The following ZBTB11 variants were observed in gnomAD, a reference collection of about 807,000 sequenced individuals.
The protein encoded by ZBTB11 is zinc finger and BTB domain-containing protein 11.
Under a neutral mutation model 113.1 loss-of-function variants are expected in ZBTB11, and 68 were observed. That is an observed-to-expected ratio of 0.60 (90% CI 0.49 to 0.74). The LOEUF (loss-of-function observed/expected upper bound fraction) is 0.74, where lower values mean the gene tolerates loss of function less well. ZBTB11 is among the 30% of genes least tolerant of loss of function. The pLI, the probability that ZBTB11 is intolerant of heterozygous loss-of-function variation, is 0.00. For missense variants in ZBTB11, 1,104 were observed against 1,279.4 expected (o/e 0.86, Z 2.09); for synonymous variants, 518 against 452.6 (o/e 1.14, Z -1.83).
Position 101,665,099 on chromosome 3 carries a change from A to C in ZBTB11, c.1488T>G (p.Phe496Leu), listed in dbSNP as rs374818953. 1 of 1,614,008 alleles carries C rather than the reference A, an allele frequency of 6.2e-7. No individual in the cohort carries two copies. Among genetic ancestry groups the C allele is most frequent in the African/African-American group, 1.3e-5 (1 of 74,898 alleles). ...TTCTATAAGTATCATCATCAGGGCCAAAGTCTGTCTTTGCTGTTGATGCAA... is the reference window on the plus strand; with the variant it reads ...TTCTATAAGTATCATCATCAGGGCCCAAGTCTGTCTTTGCTGTTGATGCAA... ...NLVASTAKTDFGPDDDTYRSR... is the reference protein window; with the variant it reads ...NLVASTAKTDLGPDDDTYRSR... Residue 496 changes from phenylalanine (F) to leucine (L), a missense_variant, in exon 4 of 11, where the codon TTT becomes TTG. This residue lies in a region of ZBTB11 where 535 missense variants were observed against 518.6 expected (regional missense o/e 1.03). Coordinates refer to ENST00000312938, the MANE Select transcript of ZBTB11 (RefSeq NM_014415.4).
rs899712036 is a variant in ZBTB11, at chr3:101,649,517, A to G, written c.*1649T>C. On this transcript the variant is annotated 3_prime_UTR_variant, in exon 11 of 11. Transcript: ENST00000312938. ...ATTAATGGTCATACACAATTTTTAAACTAAATCTAGTAACAACAGAGGATG... is the reference window on the plus strand; with the variant it reads ...ATTAATGGTCATACACAATTTTTAAGCTAAATCTAGTAACAACAGAGGATG... The G allele has an allele frequency of 6.6e-6, 1 of 152,138 alleles. No individual in the cohort carries two copies. The highest frequency in any genetic ancestry group is 1.5e-5 in the Non-Finnish European group (1 of 68,030). The allele number at this position is 152,138 out of a possible 1,614,324, so 9.4% of individuals were successfully genotyped here. A position where few individuals can be genotyped will look rare whatever the true frequency, so the allele number is the denominator to read the frequency against.
intron 1 of ZBTB11, among the ~76,000 whole-genome samples, chr3:101,675,664 CAAGT>C (rs1250996251): frequency 1.3e-5 from 2 of 152,204 alleles, no homozygotes; most frequent in Non-Finnish European, 2.9e-5. Flanking sequence ...CCCAAGGAGT[CAAGT>C]AACTTCAGAG....
At chr3:101,668,541 ATTGCTTGAGCCCAAAAG>A in intron 3 of ZBTB11, among the ~76,000 whole-genome samples, 1 of 151,558 alleles carries the variant, frequency 6.6e-6, no homozygotes, top group African/African-American at 2.4e-5. Flanking sequence ...AAGCAGGAAA[ATTGCTTGAGCCCAAAAG>A]TTGCTTGAGC....
chr3:101,653,758 A>G (rs1216640759), intron 8 of ZBTB11, among the ~76,000 whole-genome samples: 3 of 152,220 alleles, frequency 2.0e-5, no homozygotes, highest in Admixed American at 2.0e-4. Flanking sequence ...CAGGAACTCT[A>G]AAAACTAATG....
chr3:101,674,960 A>G (rs1474017183), intron 1 of ZBTB11, among the ~76,000 whole-genome samples: 6 of 152,152 alleles, frequency 3.9e-5, no homozygotes, highest in Non-Finnish European at 8.8e-5. Context: ...TCATCTGTAA[A>G]ACAGATAGAG....
chr3:101,658,904 G>GA (rs901717043), intron 6 of ZBTB11, among the ~76,000 whole-genome samples: 2 of 151,812 alleles, frequency 1.3e-5, no homozygotes, highest in African/African-American at 2.4e-5. Context: ...AATACAGAAA[G>GA]AAAAAAAATC....
In ZBTB11 at chr3:101,650,258, A is replaced by G. The variant is rs1046333260; in HGVS notation, c.*908T>C. 3.9e-5 allele frequency: 6 copies of G among 152,212 alleles called. No individual in the cohort carries two copies. Among genetic ancestry groups the G allele is most frequent in the Admixed American group, 1.3e-4 (2 of 15,286 alleles). 9.4% of individuals were successfully genotyped at this position (152,212 alleles called of 1,614,324 possible). On this transcript the variant is annotated 3_prime_UTR_variant, in exon 11 of 11. Coordinates refer to ENST00000312938, the MANE Select transcript of ZBTB11 (RefSeq NM_014415.4). ...AGTTTTTCAACCAAATTAAACAATTAAACATGATACAAAAGCTGAAAACAT... is the reference window on the plus strand; with the variant it reads ...AGTTTTTCAACCAAATTAAACAATTGAACATGATACAAAAGCTGAAAACAT...
chr3:101,665,174 T>C lies in ZBTB11; in HGVS notation c.1413A>G (p.Pro471=), dbSNP rs1262643131. The change falls in exon 4 of 11, where the codon CCA becomes CCG. Residue 471 remains proline, a synonymous_variant. Coordinates refer to ENST00000312938, the MANE Select transcript of ZBTB11 (RefSeq NM_014415.4). The part of the protein sequence containing the change: ...SAEDICAEDI[P]KHRQKVDQPL... ...GTTGGTCAACTTTCTGCCTATGTTT[T>C]GGAATGTCTTCGGCACAAATATCCT... 1.2e-6 allele frequency: 2 copies of C among 1,614,226 alleles called. No homozygotes were observed. The highest frequency in any genetic ancestry group is 1.7e-6 in the Non-Finnish European group (2 of 1,180,036).
chr3:101,671,474 G>A (rs1006005103), intron 2 of ZBTB11, 113 bp from the exon 3 acceptor site: 7 of 763,420 alleles, frequency 9.2e-6, no homozygotes, highest in Non-Finnish European at 1.5e-5. Context: ...TGAATAATTT[G>A]ATATTTTCTT....
chr3:101,653,706 A>G (rs1016006579), intron 8 of ZBTB11, among the ~76,000 whole-genome samples: 7 of 152,230 alleles, frequency 4.6e-5, no homozygotes, highest in Non-Finnish European at 5.9e-5. Flanking sequence ...TCTCTCCACG[A>G]AAGTAGAGGA....
Position 101,671,254 on chromosome 3 carries a change from C to T in ZBTB11, c.654G>A (p.Leu218=), listed in dbSNP as rs1438304724. ...RLSNQFCDVT[L]LIEGEEYKAH... The stretch of plus-strand genomic sequence containing the variant: ...CTTTGTACTCTTCTCCTTCAATTAA[C>T]AAAGTAACATCACAGAACTGGTTGG... Residue 218 remains leucine (L), a synonymous_variant, in exon 3 of 11, where the codon TTG becomes TTA. Transcript: ENST00000312938. The T allele has an allele frequency of 6.2e-7, 1 of 1,614,150 alleles. No homozygotes were observed. The highest frequency in any genetic ancestry group is 8.5e-7 in the Non-Finnish European group (1 of 1,180,016).
In ZBTB11 at chr3:101,651,610, T is replaced by C; in HGVS notation, c.2718A>G (p.Arg906=). Residue 906 remains arginine (R), a synonymous_variant, in exon 11 of 11, where the codon AGA becomes AGG. Transcript: ENST00000312938. Reference sequence around the variant, plus strand: ...CATAGGGCCGTTCACCAGTATGTGTTCTGACATGGCGTTTTAGAGATCGGG... The same window carrying C: ...CATAGGGCCGTTCACCAGTATGTGTCCTGACATGGCGTTTTAGAGATCGGG... ...ADARSLKRHV[R]THTGERPYVC... is the part of the protein sequence containing the mutation. 1 of 1,613,532 alleles carries C rather than the reference T, an allele frequency of 6.2e-7. No homozygotes were observed.
Position 101,656,208 on chromosome 3 carries a change from A to G in ZBTB11, c.2087T>C (p.Leu696Ser). Residue 696 changes from leucine to serine, a missense_variant, in exon 7 of 11, where the codon TTA (leucine) becomes TCA (serine). Physicochemically the swap from Leu to Ser is moderately radical, Grantham distance 145. Coordinates refer to ENST00000312938, the MANE Select transcript of ZBTB11 (RefSeq NM_014415.4). ...CTGTGATTGATGAAGACTCTGATGT[A>G]ATTTTAGACCATGCTTATAGATAAA... ...KTFIYKHGLK[L>S]HQSLHQSQKQ... is the part of the protein sequence containing the mutation. The G allele has an allele frequency of 2.5e-6, 4 of 1,595,910 alleles. No homozygotes were observed. Among genetic ancestry groups the G allele is most frequent in the Non-Finnish European group, 3.4e-6 (4 of 1,172,008 alleles).
At chr3:101,666,756 T>A (rs1937002800) in intron 3 of ZBTB11, among the ~76,000 whole-genome samples, 2 of 152,148 alleles carry the variant, frequency 1.3e-5, no homozygotes, top group Admixed American at 6.5e-5. Flanking sequence ...TTATTTATTT[T>A]TGTTTATTTT....
intron 5 of ZBTB11, among the ~76,000 whole-genome samples, chr3:101,662,558 T>A (rs995232395): frequency 6.6e-6 from 1 of 152,110 alleles, no homozygotes; most frequent in African/African-American, 2.4e-5. Context: ...GAAGCAGAGA[T>A]CATGCCACTG....
rs1244193960 is a variant in ZBTB11 at position 101,672,228 on chromosome 3, T to C, written c.311-15A>G. 1.3e-6 allele frequency: 2 copies of C among 1,553,746 alleles called. No individual in the cohort carries two copies. The highest frequency in any genetic ancestry group is 8.8e-7 in the Non-Finnish European group (1 of 1,140,198). ...CTTCAATATACCTACAATGAAAATA[T>C]TAACAAGTCAAATTTAATACTGTTA... is the stretch of plus-strand genomic sequence containing the variant. On this transcript the variant is annotated splice_polypyrimidine_tract_variant and intron_variant, in intron 1 of 10. Transcript: ENST00000312938.
chr3:101,665,088 T>C lies in ZBTB11; in HGVS notation c.1499A>G (p.Asp500Gly), dbSNP rs1485321037. The C allele has an allele frequency of 2.5e-6, 4 of 1,614,050 alleles. No individual in the cohort carries two copies. Among genetic ancestry groups the C allele is most frequent in the Non-Finnish European group, 3.4e-6 (4 of 1,180,036 alleles). ...STAKTDFGPDDDTYRSRLRQR... is the reference protein window; with the variant it reads ...STAKTDFGPDGDTYRSRLRQR... ...TCGAAGCCTGCTTCTATAAGTATCATCATCAGGGCCAAAGTCTGTCTTTGC... is the reference window on the plus strand; with the variant it reads ...TCGAAGCCTGCTTCTATAAGTATCACCATCAGGGCCAAAGTCTGTCTTTGC... The change falls in exon 4 of 11, where the codon GAT becomes GGT. Residue 500 changes from aspartate (D) to glycine (G), a missense_variant. Asp to Gly is a moderately conservative substitution (Grantham distance 94). This residue lies in a region of ZBTB11 where 535 missense variants were observed against 518.6 expected (regional missense o/e 1.03). Coordinates refer to ENST00000312938, the MANE Select transcript of ZBTB11 (RefSeq NM_014415.4).
chr3:101,650,652 C>A lies in ZBTB11; in HGVS notation c.*514G>T. 1 of 152,626 alleles carries A rather than the reference C, an allele frequency of 6.6e-6. No homozygotes were observed. Among genetic ancestry groups the A allele is most frequent in the Non-Finnish European group, 1.5e-5 (1 of 68,042 alleles). The allele number at this position is 152,626 out of a possible 1,614,324, so 9.5% of individuals were successfully genotyped here. A position where few individuals can be genotyped will look rare whatever the true frequency, so the allele number is the denominator to read the frequency against. ...TAAGTCAAGAATCACAGATCTAAAG[C>A]ATTTAAAAAACGTAATATACCTATG... On this transcript the variant is annotated 3_prime_UTR_variant, in exon 11 of 11. Coordinates refer to ENST00000312938, the MANE Select transcript of ZBTB11 (RefSeq NM_014415.4).
chr3:101,653,018 G>C, intron 8 of ZBTB11, 80 bp from the exon 9 acceptor site: 2 of 1,449,386 alleles, frequency 1.4e-6, no homozygotes, highest in South Asian at 1.4e-5. Flanking sequence ...ACTATTTTTA[G>C]TTTTTTAGAA....
Sources: gnomAD v4.1 joint callset for allele counts (sites outside exome capture counted in the v4.1 genomes callset) on GRCh38, gnomAD v4.1.1 for gene constraint, gnomAD v4.1.1 regional missense constraint, MANE v1.5 for transcripts, NCBI Gene and HGNC (gene_info 2026-07-23, HGNC 2026-07-21) for gene names.